The following CTCF variants were observed in gnomAD, a reference collection of about 807,000 sequenced individuals.
The protein encoded by CTCF is CCCTC-binding factor, also known as transcriptional repressor CTCF.
In CTCF, 7 loss-of-function variants were observed where a neutral mutation model predicts 72.3. The observed-to-expected ratio is 0.10, with a 90% confidence interval of 0.06 to 0.18. CTCF has a LOEUF of 0.18. Ranked by LOEUF, CTCF falls within the 10% of genes least tolerant of loss-of-function variation. The probability of loss-of-function intolerance (pLI) is 1.00; values close to 1 mark genes in which losing one functional copy is unlikely to be tolerated. For missense variants in CTCF, 516 were observed against 949.1 expected, an observed-to-expected ratio of 0.54 and a Z score of 6.00; for synonymous variants, 374 against 315.8, an observed-to-expected ratio of 1.18 and a Z score of -1.95.
At chr16:67,606,732 A>G (rs1418469290) in intron 2 of CTCF, among the ~76,000 whole-genome samples, 9 of 151,726 alleles carry the variant, frequency 5.9e-5, no homozygotes, top group Non-Finnish European at 1.3e-4. Context: ...CAAAAATACA[A>G]AACACTTCAA....
At chr16:67,567,437 CTATT>C (rs1004348589) in intron 1 of CTCF, among the ~76,000 whole-genome samples, 5 of 152,108 alleles carry the variant, frequency 3.3e-5, no homozygotes, top group African/African-American at 9.7e-5. Flanking sequence ...TGCTAATCAC[CTATT>C]TGTGTTACTA....
intron 2 of CTCF, among the ~76,000 whole-genome samples, chr16:67,602,878 T>TGGGGAAACA (rs2051916187): frequency 6.8e-6 from 1 of 146,648 alleles, no homozygotes; most frequent in Non-Finnish European, 1.5e-5. Context: ...AAAATCTTAA[T>TGGGGAAACA]GGGGAAACAG....
chr16:67,574,650 C>CTTTTTT (rs1162960134), intron 2 of CTCF, among the ~76,000 whole-genome samples: 4 of 96,966 alleles, frequency 4.1e-5, no homozygotes, highest in Non-Finnish European at 6.0e-5. Flanking sequence ...CCAAAAGCAT[C>CTTTTTT]TTTTTTTTTT....
intron 2 of CTCF, among the ~76,000 whole-genome samples, chr16:67,586,349 A>G (rs1307298939): frequency 1.3e-5 from 2 of 152,166 alleles, no homozygotes; most frequent in African/African-American, 4.8e-5. Context: ...AGCCTGGCCA[A>G]GATGGTGAAA....
intron 2 of CTCF, among the ~76,000 whole-genome samples, chr16:67,600,334 G>A (rs997931713): frequency 2.0e-5 from 3 of 151,990 alleles, no homozygotes; most frequent in African/African-American, 7.3e-5. Flanking sequence ...TGTGTCCTAG[G>A]CTCAAATGAT....
chr16:67,585,021 G>A (rs554382944), intron 2 of CTCF, among the ~76,000 whole-genome samples: 3 of 152,224 alleles, frequency 2.0e-5, no homozygotes, highest in East Asian at 3.9e-4. Flanking sequence ...TTGCTCTTGG[G>A]TGTAGTATGC....
intron 2 of CTCF, among the ~76,000 whole-genome samples, chr16:67,608,278 C>G (rs56237059): frequency 6.7e-6 from 1 of 148,968 alleles, no homozygotes; most frequent in Admixed American, 6.7e-5. Flanking sequence ...GAGCGGAGAT[C>G]GTGCCACTGC....
At chr16:67,580,707 G>A (rs1201251085) in intron 2 of CTCF, among the ~76,000 whole-genome samples, 3 of 150,366 alleles carry the variant, frequency 2.0e-5, no homozygotes, top group Non-Finnish European at 3.0e-5. Flanking sequence ...GATTACAGGC[G>A]TGCACCACCA....
chr16:67,585,589 C>T (rs2051659136), intron 2 of CTCF, among the ~76,000 whole-genome samples: 1 of 152,148 alleles, frequency 6.6e-6, no homozygotes, highest in South Asian at 2.1e-4. Context: ...TTGGTTAGCA[C>T]TTCTGTTTTT....
At chr16:67,632,049 G>T (rs558551025) in intron 10 of CTCF, among the ~76,000 whole-genome samples, 1 of 147,036 alleles carries the variant, frequency 6.8e-6, no homozygotes, top group Admixed American at 6.9e-5. Flanking sequence ...ACTCCAGCCT[G>T]GGTAACAGAG....
chr16:67,629,669 G>T, intron 10 of CTCF, 136 bp downstream of exon 10: 1 of 671,404 alleles, frequency 1.5e-6, no homozygotes, highest in Non-Finnish European at 2.1e-6. Context: ...ATCTCCTAAC[G>T]TCTATTTACA....
rs527525383 is a variant in CTCF at position 67,619,207 on chromosome 16, G to A, written c.1087-1490G>A. On this transcript the variant is annotated intron_variant, in intron 5 of 11. Coordinates refer to ENST00000264010, the MANE Select transcript of CTCF (RefSeq NM_006565.4). Reference sequence around the variant, plus strand: ...TCCCAGCACTTTGGGAAGCTGAGGCGGGTTGGTCACCTGAGATCAAGAGTT... The same window carrying A: ...TCCCAGCACTTTGGGAAGCTGAGGCAGGTTGGTCACCTGAGATCAAGAGTT... Among the ~76,000 whole-genome samples, 7 of 152,268 alleles carry A rather than the reference G, an allele frequency of 4.6e-5. No individual in the cohort carries two copies. In the East Asian group the frequency reaches 5.8e-4, roughly 13 times the overall value.
chr16:67,592,980 C>T (rs535171474), intron 2 of CTCF, among the ~76,000 whole-genome samples: 4 of 151,258 alleles, frequency 2.6e-5, no homozygotes, highest in East Asian at 3.9e-4. Flanking sequence ...GAGCCGAGAT[C>T]GCGCCACTGC....
chr16:67,631,304 A>G (rs1236662006), intron 10 of CTCF, among the ~76,000 whole-genome samples: 1 of 151,736 alleles, frequency 6.6e-6, no homozygotes, highest in Non-Finnish European at 1.5e-5. Flanking sequence ...AGCTGGGATT[A>G]CAGGCATGCC....
Position 67,610,864 on chromosome 16 carries a change from AGG to A in CTCF, c.33_34del (p.Glu12ValfsTer6). ...GGTGATGCAGTCGAAGCCATTGTGGAGGAGTCCGAAACTTTTATTAAAGGAAA... is the reference window on the plus strand; with the variant it reads ...GGTGATGCAGTCGAAGCCATTGTGGAAGTCCGAAACTTTTATTAAAGGAAA... On this transcript the variant is annotated frameshift_variant, in exon 3 of 12. Coordinates refer to ENST00000264010, the MANE Select transcript of CTCF (RefSeq NM_006565.4). LOFTEE classifies it high-confidence loss of function. 6.7e-7 allele frequency: 1 copy of A among 1,500,088 alleles called. No individual in the cohort carries two copies. Among genetic ancestry groups the A allele is most frequent in the Non-Finnish European group, 8.9e-7 (1 of 1,123,992 alleles). The allele number at this position is 1,500,088 out of a possible 1,614,324, so 92.9% of individuals were successfully genotyped here.
rs772369151 is a variant in CTCF at position 67,610,914 on chromosome 16, C to T, written c.82C>T (p.Arg28Cys). The T allele has an allele frequency of 3.9e-6, 6 of 1,536,402 alleles. No homozygotes were observed. Among genetic ancestry groups the T allele is most frequent in the Admixed American group, 4.1e-5 (2 of 48,720 alleles). The change falls in exon 3 of 12, where the codon CGC (arginine) becomes TGC (cysteine). Residue 28 changes from arginine (R) to cysteine (C), a missense_variant. Around this residue, in one of 7 missense-constraint regions of CTCF, gnomAD observed 148 missense variants for 194.9 expected, o/e 0.76. Transcript: ENST00000264010. ...KGKERKTYQRRREGGQEEDAC... is the reference protein window; with the variant it reads ...KGKERKTYQRCREGGQEEDAC... ...AAAGGAGAGAAAGACTTACCAGAGA[C>T]GCCGGGAAGGGGGCCAGGAAGAAGA...
chr16:67,588,948 C>A (rs532763840), intron 2 of CTCF, among the ~76,000 whole-genome samples: 1 of 152,192 alleles, frequency 6.6e-6, no homozygotes, highest in East Asian at 1.9e-4. Context: ...GCCTTGGCCT[C>A]CCAACATGCT....
chr16:67,619,261 C>T (rs28656415), intron 5 of CTCF, among the ~76,000 whole-genome samples: 5,639 of 152,152 alleles, frequency 0.037, 349 homozygotes, highest in African/African-American at 0.13. Context: ...CGTGGTGAAA[C>T]CCCGTCTCTA....
At position 67,589,956 on chromosome 16, in the gene CTCF, G is replaced by A. The variant is rs567179681; in HGVS notation, c.-10+18692G>A. Among the ~76,000 whole-genome samples, 17 of 152,128 alleles carry A rather than the reference G, an allele frequency of 1.1e-4. No homozygotes were observed. The South Asian group carries it at 3.3e-3, about 30-fold the overall frequency. On this transcript the variant is annotated intron_variant, in intron 2 of 11. Transcript: ENST00000264010. ...ACAAAAATTAGCCTGGCATGATGGT[G>A]GGCATTTGTAGTCCCAGCTACTCAG...
Sources: gnomAD v4.1 joint callset for allele counts (sites outside exome capture counted in the v4.1 genomes callset) on GRCh38, gnomAD v4.1.1 for gene constraint, gnomAD v4.1.1 regional missense constraint, MANE v1.5 for transcripts, NCBI Gene and HGNC (gene_info 2026-07-23, HGNC 2026-07-21) for gene names.